Variants in COL21A1 observed in about 807,000 individuals in gnomAD.
The protein encoded by COL21A1 is collagen alpha-1(XXI) chain.
In COL21A1, 149 loss-of-function variants were observed where a neutral mutation model predicts 137.9. That is an observed-to-expected ratio of 1.08 (90% CI 0.95 to 1.24). COL21A1 has a LOEUF of 1.24. Ranked by LOEUF, COL21A1 falls within the 50% of genes most tolerant of loss-of-function variation. The pLI, the probability that COL21A1 is intolerant of heterozygous loss-of-function variation, is 0.00. For missense variants in COL21A1, 1,167 were observed against 1,158.4 expected (o/e 1.01, Z -0.11); for synonymous variants, 456 against 391.5 (o/e 1.16, Z -1.95).
intron 1 of COL21A1, among the ~76,000 whole-genome samples, chr6:56,270,254 G>T (rs2397210): frequency 0.26 from 39,516 of 152,130 alleles, 6,401 homozygotes; most frequent in East Asian, 0.67. Flanking sequence ...CAAAAACGGA[G>T]CAGAGATTGC....
intron 1 of COL21A1, among the ~76,000 whole-genome samples, chr6:56,214,972 G>A (rs765769526): frequency 7.2e-5 from 11 of 152,004 alleles, no homozygotes; most frequent in African/African-American, 9.7e-5. Context: ...AAATTAAAAC[G>A]TCCAGTCACA....
intron 1 of COL21A1, among the ~76,000 whole-genome samples, chr6:56,386,966 G>A (rs962988710): frequency 6.6e-6 from 1 of 152,178 alleles, no homozygotes; most frequent in Non-Finnish European, 1.5e-5. Flanking sequence ...AAAATGAAAG[G>A]GTTAGGCCAG....
rs537970543 is a variant in COL21A1 at position 56,161,744 on chromosome 6, G to T, written c.1371+2679C>A. The stretch of plus-strand genomic sequence containing the variant: ...ATAATTTTTTGATGCCTGATAAAGA[G>T]TTACAATGACAATGATAAGTCTAAG... On this transcript the variant is annotated intron_variant, in intron 9 of 29. Transcript: ENST00000244728. Among the ~76,000 whole-genome samples, 8 of 152,156 alleles carry T rather than the reference G, an allele frequency of 5.3e-5. No homozygotes were observed. The South Asian group carries it at 1.7e-3, about 32-fold the overall frequency.
intron 1 of COL21A1, among the ~76,000 whole-genome samples, chr6:56,267,255 A>T (rs1234397933): frequency 6.6e-6 from 1 of 152,222 alleles, no homozygotes; most frequent in Admixed American, 6.5e-5. Flanking sequence ...CCTGATCTTC[A>T]TCAAACCTGC....
chr6:56,176,634 AG>A (rs531431869), intron 3 of COL21A1, among the ~76,000 whole-genome samples: 14 of 139,516 alleles, frequency 1.0e-4, no homozygotes, highest in Admixed American at 5.8e-4. Flanking sequence ...GAAAAGAGGG[AG>A]GGGGGGAAGG....
intron 1 of COL21A1, among the ~76,000 whole-genome samples, chr6:56,204,081 T>C (rs1248009938): frequency 1.3e-5 from 2 of 151,852 alleles, no homozygotes; most frequent in Non-Finnish European, 2.9e-5. Context: ...AGTTTTTTTG[T>C]TTGTTTTTGT....
At chr6:56,076,848 G>A (rs1767286151) in intron 18 of COL21A1, among the ~76,000 whole-genome samples, 1 of 151,302 alleles carries the variant, frequency 6.6e-6, no homozygotes, top group Non-Finnish European at 1.5e-5. Flanking sequence ...CAGAACTACT[G>A]GAAATAATTC....
At chr6:56,066,155 A>G (rs1382276363) in intron 23 of COL21A1, among the ~76,000 whole-genome samples, 3 of 151,908 alleles carry the variant, frequency 2.0e-5, no homozygotes, top group Non-Finnish European at 2.9e-5. Context: ...GAGCTCACAG[A>G]CATTTACTTA....
chr6:56,069,404 AAT>A (rs1766540051), intron 21 of COL21A1, among the ~76,000 whole-genome samples: 1 of 151,378 alleles, frequency 6.6e-6, no homozygotes, highest in African/African-American at 2.4e-5. Flanking sequence ...TAATAAACGA[AAT>A]AATAAAGTTG....
chr6:56,115,067 C>T (rs553302260), intron 16 of COL21A1, among the ~76,000 whole-genome samples: 216 of 150,872 alleles, frequency 1.4e-3, no homozygotes, highest in East Asian at 0.013. Flanking sequence ...AACCAAACAC[C>T]GCATATTCTC....
intron 1 of COL21A1, among the ~76,000 whole-genome samples, chr6:56,315,631 G>A (rs1001557990): frequency 7.6e-5 from 8 of 104,756 alleles, no homozygotes; most frequent in Non-Finnish European, 1.4e-4. Flanking sequence ...CTTCTCTTCC[G>A]CCATCCCTCC....
chr6:56,171,028 T>C lies in COL21A1; in HGVS notation c.741A>G (p.Ile247Met), dbSNP rs749674899. 2.5e-6 allele frequency: 4 copies of C among 1,607,796 alleles called. No individual in the cohort carries two copies. The South Asian group carries it at 4.5e-5, about 18-fold the overall frequency. Residue 247 changes from isoleucine (I) to methionine (M), a missense_variant, in exon 4 of 30, where the codon ATA becomes ATG. Transcript: ENST00000244728. ...LDVNKKVKKR[I>M]QLSPKKIKGY... ...CTTTTATCTTTTTTGGTGAAAGCTGTATTCTTTTCTTAACCTTTTTATTTA... is the reference window on the plus strand; with the variant it reads ...CTTTTATCTTTTTTGGTGAAAGCTGCATTCTTTTCTTAACCTTTTTATTTA...
At chr6:56,342,104 G>A (rs1181484889) in intron 1 of COL21A1, among the ~76,000 whole-genome samples, 2 of 152,122 alleles carry the variant, frequency 1.3e-5, no homozygotes, top group Non-Finnish European at 2.9e-5. Context: ...TGTATTTGGT[G>A]CTGGTTTGGA....
intron 1 of COL21A1, among the ~76,000 whole-genome samples, chr6:56,278,123 T>C (rs1763710827): frequency 6.6e-6 from 1 of 152,248 alleles, no homozygotes; most frequent in Non-Finnish European, 1.5e-5. Flanking sequence ...ATTTTCTCTC[T>C]GGCAAACACA....
intron 16 of COL21A1, among the ~76,000 whole-genome samples, chr6:56,102,701 GA>G (rs1770563920): frequency 6.6e-6 from 1 of 151,944 alleles, no homozygotes; most frequent in Non-Finnish European, 1.5e-5. Flanking sequence ...TCAGTACTTA[GA>G]AAAAAATTCA....
intron 1 of COL21A1, among the ~76,000 whole-genome samples, chr6:56,360,141 A>C (rs1765931719): frequency 6.6e-6 from 1 of 152,242 alleles, no homozygotes. Flanking sequence ...AGAAAGCAGA[A>C]GGCTTAGACT....
Position 56,179,588 on chromosome 6 carries a change from T to C in COL21A1, c.630A>G (p.Lys210=), listed in dbSNP as rs373003478. The C allele has an allele frequency of 8.1e-4, 1,309 of 1,607,332 alleles. 1 individual carries two copies. Among genetic ancestry groups the C allele is most frequent in the Admixed American group, 1.5e-3 (87 of 59,582 alleles). The change falls in exon 3 of 30, where the codon AAA becomes AAG. Residue 210 remains lysine (K), a synonymous_variant. Transcript: ENST00000244728. ...ISKIREVMKQ[K]LCEESVCPTR... ...CATTTTAAGGCTTACCTTCACAAAG[T>C]TTCTGCTTCATCACTTCCCTTATTT... is the stretch of plus-strand genomic sequence containing the variant.
At chr6:56,376,195 A>G (rs72875568) in intron 1 of COL21A1, among the ~76,000 whole-genome samples, 4,585 of 152,292 alleles carry the variant, frequency 0.03, 112 homozygotes, top group Non-Finnish European at 0.048. Flanking sequence ...TGTATATCCA[A>G]TAAGAGGTCT....
intron 1 of COL21A1, among the ~76,000 whole-genome samples, chr6:56,322,676 T>C (rs1342954124): frequency 6.6e-6 from 1 of 152,112 alleles, no homozygotes. Context: ...TCCCTGATTC[T>C]TATAAACCTT....
Sources: gnomAD v4.1 joint callset for allele counts (sites outside exome capture counted in the v4.1 genomes callset) on GRCh38, gnomAD v4.1.1 for gene constraint, MANE v1.5 for transcripts, NCBI Gene and HGNC (gene_info 2026-07-23, HGNC 2026-07-21) for gene names.